Variants in TSPAN13 observed in about 807,000 individuals in gnomAD.
The protein encoded by TSPAN13 is tetraspanin 13.
In TSPAN13, 18 loss-of-function variants were observed where a neutral mutation model predicts 26.9. That is an observed-to-expected ratio of 0.67 (90% confidence interval 0.46 to 0.99). TSPAN13 has a LOEUF of 0.99. TSPAN13 is among the 50% of genes least tolerant of loss of function. The pLI is 0.00. For missense variants in TSPAN13, 201 were observed against 249.6 expected, an observed-to-expected ratio of 0.81 and a Z score of 1.31; for synonymous variants, 116 against 98.4, an observed-to-expected ratio of 1.18 and a Z score of -1.06.
Position 16,777,134 on chromosome 7 carries a change from CT to C in TSPAN13, c.312+18del. ...ACCAGGAGCAACAGGTAAGCTAAGA[CT>C]TTTTTCTTCTACTTTATTATACCAC... On this transcript the variant is annotated intron_variant, in intron 3 of 5. Transcript: ENST00000262067. 1 of 1,592,918 alleles carries C rather than the reference CT, an allele frequency of 6.3e-7. No individual in the cohort carries two copies. The highest frequency in any genetic ancestry group is 1.1e-5 in the South Asian group (1 of 90,584).
chr7:16,753,959 G>GGTTC lies in TSPAN13; in HGVS notation c.-8_-5dup. ...TTACGTGCAGCTGCCGGCAACCACA[G>GGTTC]GTTCCAAGATGGTTTGCGGGGGCTT... On this transcript the variant is annotated 5_prime_UTR_variant, in exon 1 of 6. Transcript: ENST00000262067. The GGTTC allele has an allele frequency of 6.2e-7, 1 of 1,612,300 alleles. No homozygotes were observed. The highest frequency in any genetic ancestry group is 8.5e-7 in the Non-Finnish European group (1 of 1,179,232).
chr7:16,763,740 G>T (rs931159145), intron 1 of TSPAN13, among the ~76,000 whole-genome samples: 1 of 152,232 alleles, frequency 6.6e-6, no homozygotes, highest in African/African-American at 2.4e-5. Flanking sequence ...CATGATTGGT[G>T]GGCCAGAATT....
chr7:16,769,207 TA>T (rs1286503696), intron 1 of TSPAN13, among the ~76,000 whole-genome samples: 1 of 151,938 alleles, frequency 6.6e-6, no homozygotes, highest in Non-Finnish European at 1.5e-5. Flanking sequence ...AATTTTACTT[TA>T]AAAAAAAGAA....
intron 1 of TSPAN13, among the ~76,000 whole-genome samples, chr7:16,774,714 C>T (rs940860100): frequency 6.6e-6 from 1 of 152,112 alleles, no homozygotes; most frequent in African/African-American, 2.4e-5. Flanking sequence ...TTTGCCTCTC[C>T]TTGTCCCTCT....
At chr7:16,765,859 C>T (rs1784598631) in intron 1 of TSPAN13, among the ~76,000 whole-genome samples, 1 of 152,206 alleles carries the variant, frequency 6.6e-6, no homozygotes, top group African/African-American at 2.4e-5. Flanking sequence ...GTTCCTTTGT[C>T]TAGCAAGTTC....
Position 16,753,868 on chromosome 7 carries a change from C to CA in TSPAN13, c.-100_-99insA. 7.6e-7 allele frequency: 1 copy of CA among 1,316,584 alleles called. No individual in the cohort carries two copies. The highest frequency in any genetic ancestry group is 1.1e-6 in the Non-Finnish European group (1 of 934,154). 81.6% of individuals were successfully genotyped at this position (1,316,584 alleles called of 1,614,324 possible). On this transcript the variant is annotated 5_prime_UTR_variant, in exon 1 of 6. Coordinates refer to ENST00000262067, the MANE Select transcript of TSPAN13 (RefSeq NM_014399.4). ...CCCCACCCACGTCTGCGTTGCTGCC[C>CA]CGCCTGGGCCAGGCCCCAAAGGCAA...
At chr7:16,776,171 T>C in intron 1 of TSPAN13, 40 bp from the exon 2 acceptor site, 1 of 1,592,334 alleles carries the variant, frequency 6.3e-7, no homozygotes, top group South Asian at 1.1e-5. Context: ...CTCTCTCCTC[T>C]CTCTCGTCCT....
In TSPAN13 at chr7:16,783,871, A is replaced by G. The variant is rs898604655; in HGVS notation, c.*380A>G. On this transcript the variant is annotated 3_prime_UTR_variant, in exon 6 of 6. Coordinates refer to ENST00000262067, the MANE Select transcript of TSPAN13 (RefSeq NM_014399.4). ...TTATATGTAGCACTGTGCTGTGTAG[A>G]TAGTTCCTACTGGAAAAAGAGTGGA... 2 of 170,656 alleles carry G rather than the reference A, an allele frequency of 1.2e-5. No homozygotes were observed. The highest frequency in any genetic ancestry group is 4.7e-5 in the African/African-American group (2 of 42,282). The allele number at this position is 170,656 out of a possible 1,614,324, so 10.6% of individuals were successfully genotyped here.
Position 16,753,957 on chromosome 7 carries a change from C to T in TSPAN13, c.-11C>T. 1 of 1,612,108 alleles carries T rather than the reference C, an allele frequency of 6.2e-7. No individual in the cohort carries two copies. Among genetic ancestry groups the T allele is most frequent in the Non-Finnish European group, 8.5e-7 (1 of 1,179,122 alleles). On this transcript the variant is annotated 5_prime_UTR_variant, in exon 1 of 6. Transcript: ENST00000262067. The stretch of plus-strand genomic sequence containing the variant: ...ATTTACGTGCAGCTGCCGGCAACCA[C>T]AGGTTCCAAGATGGTTTGCGGGGGC...
chr7:16,782,083 A>G (rs541404250), intron 5 of TSPAN13, among the ~76,000 whole-genome samples: 1 of 152,284 alleles, frequency 6.6e-6, no homozygotes, highest in Admixed American at 6.5e-5. Context: ...ATTTTGTGAA[A>G]GCTATTGGGG....
intron 2 of TSPAN13, 102 bp downstream of exon 2, chr7:16,776,480 C>G: frequency 8.8e-7 from 1 of 1,141,522 alleles, no homozygotes. Flanking sequence ...AAAGCAACTC[C>G]AAGCAAGCCT....
chr7:16,777,771 A>C (rs745901713), intron 3 of TSPAN13, 27 bp from the exon 4 acceptor site: 1 of 1,573,920 alleles, frequency 6.4e-7, no homozygotes, highest in Admixed American at 1.7e-5. Context: ...GGGATGACAC[A>C]TTTTATATAT....
intron 1 of TSPAN13, among the ~76,000 whole-genome samples, chr7:16,769,281 G>A (rs1784647402): frequency 6.6e-6 from 1 of 152,152 alleles, no homozygotes; most frequent in African/African-American, 2.4e-5. Context: ...ACAACAACAA[G>A]GGTGGCATTC....
chr7:16,770,409 C>T (rs1784660660), intron 1 of TSPAN13, among the ~76,000 whole-genome samples: 1 of 152,110 alleles, frequency 6.6e-6, no homozygotes, highest in Admixed American at 6.6e-5. Context: ...AGAGTTTCAC[C>T]ATGTTGGCCA....
Position 16,753,942 on chromosome 7 carries a change from A to C in TSPAN13, c.-26A>C. Reference sequence around the variant, plus strand: ...CTCCGCCGGAGTCGAATTTACGTGCAGCTGCCGGCAACCACAGGTTCCAAG... The same window carrying C: ...CTCCGCCGGAGTCGAATTTACGTGCCGCTGCCGGCAACCACAGGTTCCAAG... On this transcript the variant is annotated 5_prime_UTR_variant, in exon 1 of 6. Coordinates refer to ENST00000262067, the MANE Select transcript of TSPAN13 (RefSeq NM_014399.4). 1.2e-6 allele frequency: 2 copies of C among 1,609,420 alleles called. No homozygotes were observed. The highest frequency in any genetic ancestry group is 1.7e-6 in the Non-Finnish European group (2 of 1,177,900).
At chr7:16,773,020 T>A (rs1162325454) in intron 1 of TSPAN13, among the ~76,000 whole-genome samples, 5 of 151,920 alleles carry the variant, frequency 3.3e-5, no homozygotes, top group Non-Finnish European at 7.4e-5. Context: ...AAATAAAAAA[T>A]AAATAAATAA....
At chr7:16,771,647 A>G (rs2115331193) in intron 1 of TSPAN13, among the ~76,000 whole-genome samples, 1 of 152,364 alleles carries the variant, frequency 6.6e-6, no homozygotes, top group African/African-American at 2.4e-5. Context: ...AACTAGACGA[A>G]GCAAGGAAAC....
chr7:16,754,888 G>C (rs1784465104), intron 1 of TSPAN13, among the ~76,000 whole-genome samples: 1 of 152,126 alleles, frequency 6.6e-6, no homozygotes, highest in Admixed American at 6.5e-5. Flanking sequence ...CATACACAAT[G>C]CTCGTTCATC....
chr7:16,758,621 C>A (rs1259622399), intron 1 of TSPAN13, among the ~76,000 whole-genome samples: 1 of 152,076 alleles, frequency 6.6e-6, no homozygotes, highest in African/African-American at 2.4e-5. Flanking sequence ...CTGCAATGAT[C>A]AAGGTTAAGT....
Sources: gnomAD v4.1 joint callset for allele counts (sites outside exome capture counted in the v4.1 genomes callset) on GRCh38, gnomAD v4.1.1 for gene constraint, MANE v1.5 for transcripts, NCBI Gene and HGNC (gene_info 2026-07-23, HGNC 2026-07-21) for gene names.